IQANK1: variants seen among roughly 807,000 people sequenced by gnomAD.
IQANK1 encodes IQ motif and ankyrin repeat domain-containing protein 1.
In IQANK1, 30 loss-of-function variants were observed where a neutral mutation model predicts 22.6. That is an observed-to-expected ratio of 1.33 (90% confidence interval 0.99 to 1.80). IQANK1 has a LOEUF of 1.80. Among genes scored for constraint, IQANK1 ranks in the 40% most tolerant of loss-of-function variants. IQANK1 has a pLI of 0.00. For missense variants in IQANK1, 275 were observed against 235.2 expected, an observed-to-expected ratio of 1.17 and a Z score of -1.11; for synonymous variants, 122 against 99.6, an observed-to-expected ratio of 1.23 and a Z score of -1.34.
intron 3 of IQANK1, among the ~76,000 whole-genome samples, chr8:143,755,410 C>G (rs187264239): frequency 6.6e-6 from 1 of 152,188 alleles, no homozygotes; most frequent in Non-Finnish European, 1.5e-5. Flanking sequence ...TGTCCCCAGG[C>G]TGGAGTACAA....
intron 3 of IQANK1, among the ~76,000 whole-genome samples, chr8:143,754,305 G>A (rs116789212): frequency 0.027 from 4,106 of 152,172 alleles, 178 homozygotes; most frequent in African/African-American, 0.094. Context: ...GTTATCATTC[G>A]GCCGTATCCG....
At chr8:143,780,708 T>C (rs1819781303) in intron 7 of IQANK1, among the ~76,000 whole-genome samples, 1 of 152,238 alleles carries the variant, frequency 6.6e-6, no homozygotes, top group Admixed American at 6.5e-5. Flanking sequence ...TACCACATTT[T>C]CTTTATCTTG....
intron 3 of IQANK1, among the ~76,000 whole-genome samples, chr8:143,751,658 G>GTATATATATA (rs1325258601): frequency 1.0e-4 from 4 of 38,842 alleles, no homozygotes; most frequent in Non-Finnish European, 1.8e-4. Flanking sequence ...GTGTGTGTGT[G>GTATATATATA]TGTGTGTATA....
chr8:143,769,538 C>A (rs1819535707), intron 3 of IQANK1, among the ~76,000 whole-genome samples: 1 of 152,140 alleles, frequency 6.6e-6, no homozygotes, highest in Admixed American at 6.6e-5. Context: ...TAGTGTATGT[C>A]CCCCAAATTG....
intron 2 of IQANK1, among the ~76,000 whole-genome samples, chr8:143,737,760 G>A (rs948831860): frequency 3.3e-5 from 5 of 152,182 alleles, no homozygotes; most frequent in African/African-American, 1.2e-4. Context: ...AGCTGCTGCA[G>A]CCACAGCTGC....
rs1481790610 is a variant in IQANK1 at position 143,771,728 on chromosome 8, A to G, written c.307-73A>G. On this transcript the variant is annotated intron_variant, in intron 4 of 13. Transcript: ENST00000527139. This position sits in a 1 kb window ranked among gnomAD's most constrained non-coding sequence, Gnocchi z 6.0. ...GGCTCAGATCGGGCTCCGACCTCAGAGGCGTGGACCGTGGCCTCGGGGCTC... is the reference window on the plus strand; with the variant it reads ...GGCTCAGATCGGGCTCCGACCTCAGGGGCGTGGACCGTGGCCTCGGGGCTC... The G allele has an allele frequency of 1.3e-5, 5 of 396,086 alleles. No individual in the cohort carries two copies. The highest frequency in any genetic ancestry group is 2.1e-5 in the African/African-American group (1 of 48,094). The allele number at this position is 396,086 out of a possible 1,614,324, so 24.5% of individuals were successfully genotyped here.
In IQANK1 at chr8:143,771,092, C is replaced by T. The variant is rs781842976; in HGVS notation, c.176-396C>T. ...TGATGAGCCCTCCCAGGCCTGGGGCCCCCCCGCTCAGTCCAGCCTTCGCTC... is the reference window on the plus strand; with the variant it reads ...TGATGAGCCCTCCCAGGCCTGGGGCTCCCCCGCTCAGTCCAGCCTTCGCTC... On this transcript the variant is annotated intron_variant, in intron 3 of 13. Coordinates refer to ENST00000527139, the MANE Select transcript of IQANK1 (RefSeq NM_001381874.1). This position sits in a 1 kb window ranked among gnomAD's most constrained non-coding sequence, Gnocchi z 6.0. Among the ~76,000 whole-genome samples, 1 of 152,136 alleles carries T rather than the reference C, an allele frequency of 6.6e-6. No individual in the cohort carries two copies. Among genetic ancestry groups the T allele is most frequent in the Non-Finnish European group, 1.5e-5 (1 of 68,012 alleles).
At chr8:143,742,078 A>T (rs1184789455) in intron 3 of IQANK1, 2 of 330,842 alleles carry the variant, frequency 6.0e-6, no homozygotes, top group Admixed American at 7.7e-5. Context: ...GACTCTCTCT[A>T]GGAGCGTCCC....
At chr8:143,748,767 AAT>A (rs1300291437) in intron 3 of IQANK1, among the ~76,000 whole-genome samples, 1 of 105,984 alleles carries the variant, frequency 9.4e-6, no homozygotes, top group Non-Finnish European at 1.7e-5. Context: ...AAATATATAT[AAT>A]ATATAAATAT....
At chr8:143,773,328 CA>C (rs1175716821) in intron 7 of IQANK1, among the ~76,000 whole-genome samples, 1 of 135,366 alleles carries the variant, frequency 7.4e-6, no homozygotes, top group Non-Finnish European at 1.5e-5. Context: ...AAAAAAAACA[CA>C]AAAAAAACAG....
intron 3 of IQANK1, among the ~76,000 whole-genome samples, chr8:143,770,749 C>A (rs1272068314): frequency 1.3e-5 from 2 of 152,260 alleles, no homozygotes; most frequent in Admixed American, 1.3e-4. Context: ...ACGGGGCGCA[C>A]GCTGAGCGTT....
In IQANK1 at chr8:143,790,607, A is replaced by T. The variant is rs1820020800; in HGVS notation, c.1682A>T (p.Ter561LeuextTer7). ...GTGCAGCTGCCAGGCACAGGCCTCTAGTGCTGGCCCCAGTCCCAATAAAAC... is the reference window on the plus strand; with the variant it reads ...GTGCAGCTGCCAGGCACAGGCCTCTTGTGCTGGCCCCAGTCCCAATAAAAC... ...VRVQLPGTGL[*>L] The change falls in exon 14 of 14, where the codon TAG (stop) becomes TTG (leucine). Residue 561 changes from the stop codon to leucine (L), a stop_lost. Coordinates refer to ENST00000527139, the MANE Select transcript of IQANK1 (RefSeq NM_001381874.1). The T allele has an allele frequency of 2.5e-6, 1 of 398,706 alleles. No homozygotes were observed. The highest frequency in any genetic ancestry group is 4.4e-6 in the Non-Finnish European group (1 of 226,094). 24.7% of individuals were successfully genotyped at this position (398,706 alleles called of 1,614,324 possible). A position where few individuals can be genotyped will look rare whatever the true frequency, so the allele number is the denominator to read the frequency against.
At chr8:143,744,775 A>C (rs1312264704) in intron 3 of IQANK1, 1 of 152,238 alleles carries the variant, frequency 6.6e-6, no homozygotes, top group Non-Finnish European at 1.5e-5. Context: ...TTTCTGCCGT[A>C]ACAACCCTTA....
rs1554627500 is a variant in IQANK1 at position 143,748,557 on chromosome 8, T to TATG, written c.175+8611_175+8612insGAT. ...ATGATATATAATATATAAATATAGA[T>TATG]ATATATATCATATATAATATATAAA... On this transcript the variant is annotated intron_variant, in intron 3 of 13. Transcript: ENST00000527139. Among the ~76,000 whole-genome samples, 83 of 122,226 alleles carry TATG rather than the reference T, an allele frequency of 6.8e-4. 1 individual carries two copies. The highest frequency in any genetic ancestry group is 2.3e-3 in the African/African-American group (77 of 33,192). The allele number at this position is 122,226 out of a possible 152,430, so 80.2% of individuals were successfully genotyped here.
At chr8:143,740,378 C>T (rs1377580506) in intron 3 of IQANK1, among the ~76,000 whole-genome samples, 1 of 152,218 alleles carries the variant, frequency 6.6e-6, no homozygotes, top group Non-Finnish European at 1.5e-5. Context: ...GGCTCTGCAG[C>T]TCCGACCCTG....
chr8:143,775,335 T>TACACACACACACACACACAGAC (rs1289168549), intron 7 of IQANK1, among the ~76,000 whole-genome samples: 1 of 147,620 alleles, frequency 6.8e-6, no homozygotes, highest in Non-Finnish European at 1.5e-5. Context: ...CCAGGCATGC[T>TACACACACACACACACACAGAC]ACACACACAC....
intron 3 of IQANK1, among the ~76,000 whole-genome samples, chr8:143,765,967 G>A (rs1819474451): frequency 6.6e-6 from 1 of 152,202 alleles, no homozygotes; most frequent in Non-Finnish European, 1.5e-5. Flanking sequence ...GCACACACCT[G>A]GGAGAAAGGT....
intron 7 of IQANK1, among the ~76,000 whole-genome samples, chr8:143,775,810 ACACACACACACAC>A (rs1819669800): frequency 1.3e-5 from 2 of 150,526 alleles, no homozygotes; most frequent in African/African-American, 5.0e-5. Context: ...ACACACACAC[ACACACACACACAC>A]CATTCCTAAA....
chr8:143,768,504 G>A (rs1217839630), intron 3 of IQANK1, among the ~76,000 whole-genome samples: 1 of 152,126 alleles, frequency 6.6e-6, no homozygotes, highest in Non-Finnish European at 1.5e-5. Flanking sequence ...TGAAACGTGC[G>A]CCGGCGGACA....
Sources: gnomAD v4.1 joint callset for allele counts (sites outside exome capture counted in the v4.1 genomes callset) on GRCh38, gnomAD v4.1.1 for gene constraint, Gnocchi (gnomAD v3.1) non-coding constraint, MANE v1.5 for transcripts, NCBI Gene and HGNC (gene_info 2026-07-23, HGNC 2026-07-21) for gene names.